The following DLC1 variants were observed in gnomAD, a reference collection of about 807,000 sequenced individuals.
DLC1 encodes the protein rho GTPase-activating protein 7.
Under a neutral mutation model 140.3 loss-of-function variants are expected in DLC1, and 54 were observed. The observed-to-expected ratio is 0.38, with a 90% CI of 0.31 to 0.48. The LOEUF (loss-of-function observed/expected upper bound fraction) is 0.48, where lower values mean the gene tolerates loss of function less well. Ranked by LOEUF, DLC1 falls within the 20% of genes least tolerant of loss-of-function variation. DLC1 has a pLI of 0.96. For synonymous variants in DLC1, 986 were observed against 728.1 expected, an observed-to-expected ratio of 1.35 and a Z score of -5.70; for missense variants, 2,536 against 1,907.0, an observed-to-expected ratio of 1.33 and a Z score of -6.14.
chr8:13,455,572 C>G (rs1799344495), intron 2 of DLC1, among the ~76,000 whole-genome samples: 1 of 152,192 alleles, frequency 6.6e-6, no homozygotes. Flanking sequence ...AAAACTGGCT[C>G]TCTCCCTTAT....
intron 5 of DLC1, among the ~76,000 whole-genome samples, chr8:13,208,870 C>T (rs1031541294): frequency 4.0e-5 from 6 of 151,894 alleles, no homozygotes; most frequent in African/African-American, 1.5e-4. Context: ...ATGTTTCTAT[C>T]AGAAGAGAAA....
chr8:13,492,089 G>C (rs1334392828), intron 2 of DLC1, among the ~76,000 whole-genome samples: 5 of 152,126 alleles, frequency 3.3e-5, no homozygotes, highest in African/African-American at 4.8e-5. Flanking sequence ...TGTGGGTATA[G>C]AGAGAACTGA....
At chr8:13,253,589 CCATAT>C (rs2117295131) in intron 5 of DLC1, among the ~76,000 whole-genome samples, 1 of 152,246 alleles carries the variant, frequency 6.6e-6, no homozygotes, top group East Asian at 1.9e-4. Flanking sequence ...TGTTTCCTTA[CCATAT>C]CATACTAAAC....
chr8:13,419,308 T>C (rs1838207228), intron 2 of DLC1, among the ~76,000 whole-genome samples: 1 of 152,020 alleles, frequency 6.6e-6, no homozygotes, highest in Non-Finnish European at 1.5e-5. Context: ...TCAAAGGGAA[T>C]GCTTCCAGTT....
At position 13,294,990 on chromosome 8, in the gene DLC1, T is replaced by C. The variant is rs566804628; in HGVS notation, c.1348+10279A>G. Among the ~76,000 whole-genome samples the C allele has an allele frequency of 6.6e-5, 10 of 152,346 alleles. No individual in the cohort carries two copies. In the South Asian group the frequency reaches 1.2e-3, roughly 19 times the overall value. On this transcript the variant is annotated intron_variant, in intron 5 of 17. Coordinates refer to ENST00000276297, the MANE Select transcript of DLC1 (RefSeq NM_182643.3). ...TTGTTATTATTACCAATTCAGTTAT[T>C]CATTCCACAAACTTCAACCGAAACA...
chr8:13,557,227 T>C (rs547339444), intron 1 of DLC1, among the ~76,000 whole-genome samples: 1 of 152,122 alleles, frequency 6.6e-6, no homozygotes, highest in Non-Finnish European at 1.5e-5. Context: ...TTTTTTTTAT[T>C]CGTACTCTGA....
At chr8:13,092,930 T>A in intron 12 of DLC1, 105 bp from the exon 13 acceptor site, 1 of 1,259,048 alleles carries the variant, frequency 7.9e-7, no homozygotes, top group Non-Finnish European at 1.1e-6. Context: ...AGCCCAGTAC[T>A]GAACAAGCAC....
chr8:13,353,160 G>A (rs894272641), intron 4 of DLC1, among the ~76,000 whole-genome samples: 3 of 152,188 alleles, frequency 2.0e-5, no homozygotes, highest in Non-Finnish European at 4.4e-5. Flanking sequence ...AAATGAGGCA[G>A]GTTAGAGAAG....
At chr8:13,344,618 A>C (rs577940952) in intron 4 of DLC1, among the ~76,000 whole-genome samples, 24 of 152,336 alleles carry the variant, frequency 1.6e-4, no homozygotes, top group African/African-American at 5.3e-4. Flanking sequence ...CCCGCAAATG[A>C]GTTCTCTAAA....
chr8:13,290,290 T>C (rs1249981515), intron 5 of DLC1, among the ~76,000 whole-genome samples: 1 of 152,122 alleles, frequency 6.6e-6, no homozygotes, highest in African/African-American at 2.4e-5. Context: ...TCTTCAAACT[T>C]AGTGTTCATA....
At chr8:13,185,560 GC>G (rs1186572570) in intron 5 of DLC1, among the ~76,000 whole-genome samples, 4 of 151,998 alleles carry the variant, frequency 2.6e-5, no homozygotes, top group Admixed American at 2.0e-4. Flanking sequence ...GCTCGCCTTG[GC>G]CTCCCAAAGT....
rs142931995 is a variant in DLC1, at chr8:13,100,280, G to A, written c.2057C>T (p.Ala686Val). 5.0e-6 allele frequency: 8 copies of A among 1,613,962 alleles called. No individual in the cohort carries two copies. In the Admixed American group the frequency reaches 1.0e-4, roughly 20 times the overall value. Residue 686 changes from alanine (A) to valine (V), a missense_variant, in exon 9 of 18, where the codon GCG (alanine) becomes GTG (valine). Coordinates refer to ENST00000276297, the MANE Select transcript of DLC1 (RefSeq NM_182643.3). ...LKSSHHSKHK[A>V]PSKLGLIISG... ...GATGATCAACCCCAGCTTTGAGGGC[G>A]CTTTGTGCTTGCTGTGATGGGAGCT...
intron 5 of DLC1, among the ~76,000 whole-genome samples, chr8:13,189,635 C>G (rs575515850): frequency 6.6e-6 from 1 of 152,280 alleles, no homozygotes; most frequent in East Asian, 1.9e-4. Flanking sequence ...GTAATCCCAG[C>G]ACTTTGGAAG....
chr8:13,431,514 A>G (rs1281593610), intron 2 of DLC1, among the ~76,000 whole-genome samples: 1 of 148,470 alleles, frequency 6.7e-6, no homozygotes, highest in Non-Finnish European at 1.5e-5. Context: ...AAAAAAAAAA[A>G]AGAAAAGAAT....
At chr8:13,410,601 G>A (rs1301397149) in intron 2 of DLC1, among the ~76,000 whole-genome samples, 2 of 150,900 alleles carry the variant, frequency 1.3e-5, no homozygotes, top group African/African-American at 4.9e-5. Context: ...TGGCAAAAAA[G>A]ACTATAAAAT....
intron 5 of DLC1, among the ~76,000 whole-genome samples, chr8:13,185,554 G>A (rs1438133745): frequency 4.6e-5 from 7 of 151,992 alleles, no homozygotes; most frequent in Non-Finnish European, 1.0e-4. Context: ...TGATCTGCTC[G>A]CCTTGGCCTC....
At position 13,099,757 on chromosome 8, in the gene DLC1, G is replaced by C; in HGVS notation, c.2580C>G (p.Pro860=). The C allele has an allele frequency of 6.2e-7, 1 of 1,614,166 alleles. No individual in the cohort carries two copies. The highest frequency in any genetic ancestry group is 8.5e-7 in the Non-Finnish European group (1 of 1,180,044). Reference sequence around the variant, plus strand: ...AAGAATTGCGTCTCTTCAGTTCCTTGGGGCTGTCGCTACTGTTTTCCCTCC... The same window carrying C: ...AAGAATTGCGTCTCTTCAGTTCCTTCGGGCTGTCGCTACTGTTTTCCCTCC... ...SLRRENSSDS[P]KELKRRNSSS... The change falls in exon 9 of 18, where the codon CCC becomes CCG. Residue 860 remains proline (P), a synonymous_variant. Coordinates refer to ENST00000276297, the MANE Select transcript of DLC1 (RefSeq NM_182643.3).
At chr8:13,164,140 A>G (rs1824928483) in intron 5 of DLC1, among the ~76,000 whole-genome samples, 1 of 152,144 alleles carries the variant, frequency 6.6e-6, no homozygotes, top group Non-Finnish European at 1.5e-5. Flanking sequence ...CTACTAAAAA[A>G]TACAAGAATT....
At chr8:13,383,299 G>C (rs773326765) in intron 4 of DLC1, among the ~76,000 whole-genome samples, 1 of 152,096 alleles carries the variant, frequency 6.6e-6, no homozygotes, top group East Asian at 1.9e-4. Flanking sequence ...TCCTTTTATT[G>C]AATGAGAGGG....
Sources: gnomAD v4.1 joint callset for allele counts (sites outside exome capture counted in the v4.1 genomes callset) on GRCh38, gnomAD v4.1.1 for gene constraint, MANE v1.5 for transcripts, NCBI Gene and HGNC (gene_info 2026-07-23, HGNC 2026-07-21) for gene names.